Variants in SEMA4B observed in about 807,000 individuals in gnomAD.
SEMA4B encodes the protein semaphorin 4B, also known as semaphorin-4B.
Under a neutral mutation model 88.1 loss-of-function variants are expected in SEMA4B, and 55 were observed. That is an observed-to-expected ratio of 0.62 (90% CI 0.50 to 0.78). The LOEUF is 0.78. Among genes scored for constraint, SEMA4B ranks in the 30% least tolerant of loss-of-function variants. The pLI is 0.00. For synonymous variants in SEMA4B, 525 were observed against 473.6 expected, an observed-to-expected ratio of 1.11 and a Z score of -1.41; for missense variants, 1,062 against 1,111.9, an observed-to-expected ratio of 0.96 and a Z score of 0.64.
chr15:90,227,824 A>G lies in SEMA4B; in HGVS notation c.1775-80A>G. 6.3e-6 allele frequency: 10 copies of G among 1,588,466 alleles called. 1 individual carries two copies. In the South Asian group the frequency reaches 9.0e-5, roughly 14 times the overall value. ...AGTTGCCCATCGTGGCACCAGGGGC[A>G]TAGCCCAGAGGGAGGCAGGGGAGCT... On this transcript the variant is annotated intron_variant, in intron 13 of 13. Transcript: ENST00000411539.
In SEMA4B at chr15:90,227,570, G is replaced by C. The variant is rs1266398720; in HGVS notation, c.1702G>C (p.Asp568His). Residue 568 changes from aspartate (D) to histidine (H), a missense_variant, in exon 13 of 14, where the codon GAC (aspartate) becomes CAC (histidine). Asp to His is a moderately conservative substitution (Grantham distance 81, BLOSUM62 -1). Coordinates refer to ENST00000411539, the MANE Select transcript of SEMA4B (RefSeq NM_198925.4). ...PQLATRPWIQ[D>H]IEGASAKDLC... ...TCTGGCCCTCAGGCCGTGGATCCAG[G>C]ACATCGAGGGAGCCAGCGCCAAGGA... 2 of 1,613,848 alleles carry C rather than the reference G, an allele frequency of 1.2e-6. No individual in the cohort carries two copies. The highest frequency in any genetic ancestry group is 2.7e-5 in the African/African-American group (2 of 74,932).
intron 5 of SEMA4B, 84 bp downstream of exon 5, chr15:90,221,177 T>G: frequency 6.0e-6 from 7 of 1,160,924 alleles, no homozygotes; most frequent in Non-Finnish European, 8.9e-6. Flanking sequence ...ACAGGCTGAG[T>G]CCATGCCATG....
At chr15:90,209,937 A>G (rs1036312773) in intron 1 of SEMA4B, among the ~76,000 whole-genome samples, 2 of 152,138 alleles carry the variant, frequency 1.3e-5, no homozygotes, top group African/African-American at 2.4e-5. Context: ...ACGGGGTGCT[A>G]TTGAAGTTTT....
At chr15:90,213,678 G>A (rs1044056434) in intron 1 of SEMA4B, among the ~76,000 whole-genome samples, 24 of 152,214 alleles carry the variant, frequency 1.6e-4, no homozygotes, top group African/African-American at 5.3e-4. Context: ...TTCCAAGGGC[G>A]GTCTGCTGCC....
chr15:90,185,194 G>C (rs1008232794), intron 1 of SEMA4B: 32 of 541,486 alleles, frequency 5.9e-5, no homozygotes, highest in Non-Finnish European at 7.5e-5. Flanking sequence ...CCTCCCGCCC[G>C]GCCCCTCTCC....
intron 1 of SEMA4B, among the ~76,000 whole-genome samples, chr15:90,185,568 G>C (rs559818386): frequency 6.6e-6 from 1 of 152,326 alleles, no homozygotes; most frequent in African/African-American, 2.4e-5. Context: ...GGCTACTCGG[G>C]AGTTATTCTG....
chr15:90,199,794 C>G (rs1358435268), upstream of SEMA4B, among the ~76,000 whole-genome samples: 1 of 151,984 alleles, frequency 6.6e-6, no homozygotes, highest in Non-Finnish European at 1.5e-5. Flanking sequence ...CCATTGCACT[C>G]CAGCCTGGGC....
intron 1 of SEMA4B, among the ~76,000 whole-genome samples, chr15:90,196,112 T>A (rs1378496690): frequency 1.4e-5 from 2 of 148,134 alleles, no homozygotes; most frequent in Admixed American, 6.8e-5. Flanking sequence ...GTATTTTTAG[T>A]AGAGACGGGG....
At chr15:90,191,129 G>A (rs1209428938) in intron 1 of SEMA4B, among the ~76,000 whole-genome samples, 1 of 152,206 alleles carries the variant, frequency 6.6e-6, no homozygotes, top group Non-Finnish European at 1.5e-5. Flanking sequence ...GAGCCCTGCT[G>A]ATTGCCCCAC....
chr15:90,200,587 T>C (rs910892420), upstream of SEMA4B, among the ~76,000 whole-genome samples: 2 of 152,172 alleles, frequency 1.3e-5, no homozygotes, highest in Non-Finnish European at 2.9e-5. Context: ...GTGGAGATGT[T>C]AGGAGCCAGG....
Position 90,201,650 on chromosome 15 carries a change from G to T in SEMA4B, c.72G>T (p.Pro24=). 1.3e-6 allele frequency: 2 copies of T among 1,515,684 alleles called. No homozygotes were observed. Among genetic ancestry groups the T allele is most frequent in the South Asian group, 1.2e-5 (1 of 82,166 alleles). The allele number at this position is 1,515,684 out of a possible 1,614,324, so 93.9% of individuals were successfully genotyped here. ...GGGGCGCGCTGCCGCCTCGGCCACC[G>T]CTGCTGCTGCTCCTGCTGCTGCTGC... ...APWGALPPRP[P]LLLLLLLLLL... is the part of the protein sequence containing the mutation. The change falls in exon 1 of 14, where the codon CCG becomes CCT. Residue 24 remains proline (P), a synonymous_variant. Transcript: ENST00000411539.
At chr15:90,210,166 AAGG>A (rs1961194299) in intron 1 of SEMA4B, among the ~76,000 whole-genome samples, 2 of 152,236 alleles carry the variant, frequency 1.3e-5, no homozygotes, top group African/African-American at 2.4e-5. Flanking sequence ...ACTTCTGAGG[AAGG>A]AGGATGGTGA....
intron 1 of SEMA4B, among the ~76,000 whole-genome samples, chr15:90,188,204 A>C (rs1296514820): frequency 1.3e-5 from 2 of 152,076 alleles, no homozygotes; most frequent in African/African-American, 2.4e-5. Flanking sequence ...CTGTAGTGTC[A>C]GCTATCCAGG....
chr15:90,189,335 T>C (rs2151582235), intron 1 of SEMA4B, among the ~76,000 whole-genome samples: 1 of 152,372 alleles, frequency 6.6e-6, no homozygotes, highest in Middle Eastern at 3.4e-3. Context: ...AATATCCATA[T>C]GGGTTCTGGA....
At chr15:90,218,832 A>G (rs1024768806) in intron 3 of SEMA4B, among the ~76,000 whole-genome samples, 1 of 152,320 alleles carries the variant, frequency 6.6e-6, no homozygotes. Context: ...AAAAGTAGTC[A>G]GTTTACAAAT....
intron 3 of SEMA4B, among the ~76,000 whole-genome samples, chr15:90,218,357 G>A (rs149515392): frequency 0.013 from 2,008 of 152,338 alleles, 24 homozygotes; most frequent in Non-Finnish European, 0.017. Context: ...GCAGGTGCTG[G>A]GTAAGGTGAG....
chr15:90,198,912 G>T (rs1960603051), upstream of SEMA4B, among the ~76,000 whole-genome samples: 1 of 152,170 alleles, frequency 6.6e-6, no homozygotes, highest in Non-Finnish European at 1.5e-5. Context: ...CTGTAGCCCA[G>T]GCTGGAGTGC....
upstream of SEMA4B, chr15:90,201,198 C>T (rs540007297): frequency 7.6e-4 from 387 of 508,436 alleles, 1 homozygote; most frequent in African/African-American, 7.3e-3. Context: ...CTACTGATCC[C>T]GGGCTTGGCC....
At position 90,229,539 on chromosome 15, in the gene SEMA4B, C is replaced by T; in HGVS notation, c.*896C>T. ...TCACCCTCCATCCCTCACCTTCCTC[C>T]ACTCTAAGGGATATCAACACTGCCC... On this transcript the variant is annotated 3_prime_UTR_variant, in exon 14 of 14. Coordinates refer to ENST00000411539, the MANE Select transcript of SEMA4B (RefSeq NM_198925.4). The T allele has an allele frequency of 5.0e-6, 2 of 400,820 alleles. No homozygotes were observed. Among genetic ancestry groups the T allele is most frequent in the South Asian group, 3.7e-5 (2 of 54,522 alleles). 24.8% of individuals were successfully genotyped at this position (400,820 alleles called of 1,614,324 possible).
Sources: allele counts gnomAD v4.1 joint callset (sites outside exome capture counted in the v4.1 genomes callset), GRCh38; gene constraint gnomAD v4.1.1; transcripts MANE v1.5; gene names NCBI Gene and HGNC (gene_info 2026-07-23, HGNC 2026-07-21).